The following FAT1 variants were observed in gnomAD, a reference collection of about 807,000 sequenced individuals.
FAT1 encodes protocadherin Fat 1.
Under a neutral mutation model 329.8 loss-of-function variants are expected in FAT1, and 171 were observed. The ratio of observed to expected loss-of-function variants is 0.52; its 90% CI spans 0.46 to 0.59. The LOEUF (loss-of-function observed/expected upper bound fraction) is 0.59. FAT1 is among the 20% of genes least tolerant of loss of function. The probability of loss-of-function intolerance (pLI) is 0.00; values close to 1 mark genes in which losing one functional copy is unlikely to be tolerated. For missense variants in FAT1, 5,672 were observed against 5,774.4 expected (o/e 0.98, Z 0.57); for synonymous variants, 2,233 against 2,228.6 (o/e 1.00, Z -0.06).
At position 186,603,037 on chromosome 4, in the gene FAT1, T is replaced by C; in HGVS notation, c.11351-3A>G. ...GTGGACAGGTGGGCACCTTCCCTCTTCATTCAAAGAGGGGAGAAAGGGAAA... is the reference window on the plus strand; with the variant it reads ...GTGGACAGGTGGGCACCTTCCCTCTCCATTCAAAGAGGGGAGAAAGGGAAA... On this transcript the variant is annotated splice_polypyrimidine_tract_variant and splice_region_variant and intron_variant, in intron 19 of 26. Transcript: ENST00000441802. 1.2e-6 allele frequency: 2 copies of C among 1,613,812 alleles called. No individual in the cohort carries two copies. The highest frequency in any genetic ancestry group is 1.1e-5 in the South Asian group (1 of 91,062).
Position 186,618,695 on chromosome 4 carries a change from T to C in FAT1, c.7891A>G (p.Ile2631Val), listed in dbSNP as rs757860663. 6.2e-7 allele frequency: 1 copy of C among 1,614,074 alleles called. No homozygotes were observed. Among genetic ancestry groups the C allele is most frequent in the Non-Finnish European group, 8.5e-7 (1 of 1,179,900 alleles). The change falls in exon 10 of 27, where the codon ATC becomes GTC. Residue 2631 changes from isoleucine (I) to valine (V), a missense_variant. Ile to Val is a conservative substitution (Grantham distance 29). This residue lies in a region of FAT1 where 3,966 missense variants were observed against 3,915.2 expected (regional missense o/e 1.01). Coordinates refer to ENST00000441802, the MANE Select transcript of FAT1 (RefSeq NM_005245.4). ...GAGTCTGCTTCAATGGCATAGGTGA[T>C]GTCGGCATTGGAGCCCTCATCGGCA... is the stretch of plus-strand genomic sequence containing the variant. Reference protein sequence around the residue: ...SDADEGSNADITYAIEADSES... With the variant: ...SDADEGSNADVTYAIEADSES...
At chr4:186,654,378 C>T (rs944983399) in intron 3 of FAT1, among the ~76,000 whole-genome samples, 2 of 152,006 alleles carry the variant, frequency 1.3e-5, no homozygotes, top group African/African-American at 2.4e-5. Context: ...ACACAGTAGA[C>T]GGGTGGAAGA....
intron 10 of FAT1, 101 bp downstream of exon 10, chr4:186,617,607 A>G (rs1739773141): frequency 1.6e-5 from 15 of 924,060 alleles, no homozygotes; most frequent in Non-Finnish European, 2.2e-5. Context: ...AACTAAAATC[A>G]TCCCTTAAAT....
intron 1 of FAT1, among the ~76,000 whole-genome samples, 193 bp downstream of exon 1, chr4:186,723,470 AC>A (rs985262122): frequency 1.5e-4 from 23 of 151,600 alleles, no homozygotes; most frequent in African/African-American, 5.1e-4. Flanking sequence ...CGCCGCCGGG[AC>A]CCCCCTAGCC....
At chr4:186,615,689 A>G (rs1739677103) in intron 11 of FAT1, among the ~76,000 whole-genome samples, 3 of 151,996 alleles carry the variant, frequency 2.0e-5, no homozygotes, top group Non-Finnish European at 4.4e-5. Context: ...TCTTCTCCCC[A>G]ACCCAGGTTG....
In FAT1 at chr4:186,706,888, A is replaced by G. The variant is rs2126683822; in HGVS notation, c.2940T>C (p.Ser980=). 2 of 1,613,792 alleles carry G rather than the reference A, an allele frequency of 1.2e-6. No homozygotes were observed. Among genetic ancestry groups the G allele is most frequent in the Non-Finnish European group, 1.7e-6 (2 of 1,179,820 alleles). ...GEGNFDVDKL[S]GAVRIVQQLD... ...ACTGCTGGACGATCCTAACTGCTCC[A>G]CTGAGTTTATCCACATCGAAGTTTC... is the stretch of plus-strand genomic sequence containing the variant. The change falls in exon 2 of 27, where the codon AGT becomes AGC. Residue 980 remains serine (S), a synonymous_variant. Transcript: ENST00000441802.
chr4:186,609,040 G>T, intron 16 of FAT1, 143 bp downstream of exon 16: 1 of 763,562 alleles, frequency 1.3e-6, no homozygotes, highest in Non-Finnish European at 2.0e-6. Context: ...TAGTGTCATT[G>T]CTTTTCGAGT....
chr4:186,707,591 G>A lies in FAT1; in HGVS notation c.2237C>T (p.Thr746Ile), dbSNP rs759685155. 8.7e-6 allele frequency: 14 copies of A among 1,613,874 alleles called. No individual in the cohort carries two copies. The South Asian group carries it at 1.5e-4, about 18-fold the overall frequency. The part of the protein sequence containing the change: ...VIFMNSTDLD[T>I]GFNGKLVYAV... The stretch of plus-strand genomic sequence containing the variant: ...ATAGACCAGTTTTCCATTGAAGCCA[G>A]TGTCAAGGTCAGTGGAGTTCATGAA... The change falls in exon 2 of 27, where the codon ACT becomes ATT. Residue 746 changes from threonine (T) to isoleucine (I), a missense_variant. Thr to Ile is a moderately conservative substitution (Grantham distance 89, BLOSUM62 -1). Transcript: ENST00000441802.
At chr4:186,696,695 A>T (rs891770835) in intron 2 of FAT1, among the ~76,000 whole-genome samples, 1 of 152,214 alleles carries the variant, frequency 6.6e-6, no homozygotes, top group African/African-American at 2.4e-5. Context: ...GCTATTTTCC[A>T]TAGAGGTCAA....
intron 6 of FAT1, 114 bp from the exon 7 acceptor site, chr4:186,633,937 G>A: frequency 8.9e-7 from 1 of 1,127,284 alleles, no homozygotes; most frequent in Non-Finnish European, 1.3e-6. Flanking sequence ...CTAGCAAAGA[G>A]CTTCCAAGGA....
intron 17 of FAT1, 56 bp from the exon 18 acceptor site, chr4:186,604,630 T>C (rs968500034): frequency 1.0e-5 from 12 of 1,172,802 alleles, no homozygotes; most frequent in Non-Finnish European, 1.2e-5. Flanking sequence ...GCCAAATCTA[T>C]ATGGGACAGA....
chr4:186,716,945 A>T (rs1277615719), intron 1 of FAT1, among the ~76,000 whole-genome samples: 1 of 152,068 alleles, frequency 6.6e-6, no homozygotes, highest in Admixed American at 6.6e-5. Flanking sequence ...CACCATGACC[A>T]GCTAACTTTT....
At chr4:186,608,421 C>T (rs1739244733) in intron 16 of FAT1, among the ~76,000 whole-genome samples, 1 of 151,864 alleles carries the variant, frequency 6.6e-6, no homozygotes, top group South Asian at 2.1e-4. Flanking sequence ...GTTTTTCTTT[C>T]TTTTTCTGGA....
At chr4:186,606,724 G>T (rs2126450626) in intron 16 of FAT1, among the ~76,000 whole-genome samples, 1 of 152,240 alleles carries the variant, frequency 6.6e-6, no homozygotes, top group South Asian at 2.1e-4. Flanking sequence ...ATACTCAGCT[G>T]TCTAAATCCC....
chr4:186,658,306 C>G (rs898480264), intron 3 of FAT1, among the ~76,000 whole-genome samples: 6 of 152,090 alleles, frequency 3.9e-5, no homozygotes, highest in African/African-American at 1.2e-4. Flanking sequence ...CATAATTAAG[C>G]ACAAAAACCT....
intron 1 of FAT1, among the ~76,000 whole-genome samples, chr4:186,712,042 T>C (rs559987041): frequency 1.6e-4 from 24 of 152,338 alleles, no homozygotes; most frequent in Admixed American, 5.2e-4. Context: ...AACAAAATAT[T>C]ATACCAGGAT....
intron 2 of FAT1, among the ~76,000 whole-genome samples, chr4:186,667,534 TA>T (rs1442237064): frequency 6.6e-6 from 1 of 152,212 alleles, no homozygotes; most frequent in Non-Finnish European, 1.5e-5. Flanking sequence ...CGATGCATTT[TA>T]ATTATTACCT....
chr4:186,670,916 A>C (rs1209070872), intron 2 of FAT1, among the ~76,000 whole-genome samples: 1 of 152,210 alleles, frequency 6.6e-6, no homozygotes, highest in Non-Finnish European at 1.5e-5. Flanking sequence ...TATGGACTTC[A>C]GTTAGTAACA....
At chr4:186,666,779 C>T (rs1742458010) in intron 2 of FAT1, among the ~76,000 whole-genome samples, 1 of 152,182 alleles carries the variant, frequency 6.6e-6, no homozygotes, top group Non-Finnish European at 1.5e-5. Context: ...ATAATCTTTA[C>T]ATCCAACCTG....
Sources: gnomAD v4.1 joint callset for allele counts (sites outside exome capture counted in the v4.1 genomes callset) on GRCh38, gnomAD v4.1.1 for gene constraint, gnomAD v4.1.1 regional missense constraint, MANE v1.5 for transcripts, NCBI Gene and HGNC (gene_info 2026-07-23, HGNC 2026-07-21) for gene names.